The following SCGB2B2 variants were observed in gnomAD, a reference collection of about 807,000 sequenced individuals.
The protein encoded by SCGB2B2 is secretoglobin-like protein.
Under a neutral mutation model 7.6 loss-of-function variants are expected in SCGB2B2, and 11 were observed. That is an observed-to-expected ratio of 1.45 (90% CI 0.91 to 2.40). The LOEUF (loss-of-function observed/expected upper bound fraction) is 2.40. Among genes scored for constraint, SCGB2B2 ranks in the 30% most tolerant of loss-of-function variants. The probability of loss-of-function intolerance (pLI) is 0.00; values close to 1 mark genes in which losing one functional copy is unlikely to be tolerated. For missense variants in SCGB2B2, 104 were observed against 115.4 expected (o/e 0.90, Z 0.45); for synonymous variants, 50 against 48.6 (o/e 1.03, Z -0.12).
intron 1 of SCGB2B2, among the ~76,000 whole-genome samples, chr19:34,643,284 G>A (rs1405563369): frequency 1.3e-5 from 2 of 152,178 alleles, no homozygotes; most frequent in Admixed American, 1.3e-4. Context: ...GAATGGAACT[G>A]GAGAAAATTA....
chr19:34,605,201 T>G (rs930236020), intron 1 of SCGB2B2, among the ~76,000 whole-genome samples: 1 of 152,244 alleles, frequency 6.6e-6, no homozygotes, highest in African/African-American at 2.4e-5. Context: ...CTTGTGTGTA[T>G]CAATACTTCA....
downstream of SCGB2B2, among the ~76,000 whole-genome samples, chr19:34,589,008 C>A (rs1422508996): frequency 1.3e-5 from 2 of 152,014 alleles, no homozygotes; most frequent in African/African-American, 4.8e-5. Flanking sequence ...CTGGGTCCTG[C>A]CTATTGTGTG....
downstream of SCGB2B2, among the ~76,000 whole-genome samples, chr19:34,589,904 C>G (rs2065259919): frequency 1.3e-5 from 2 of 152,140 alleles, no homozygotes; most frequent in South Asian, 4.1e-4. Flanking sequence ...GAAGGTCACT[C>G]TGGCAGCTGT....
chr19:34,616,177 A>G (rs1270274), intron 1 of SCGB2B2, among the ~76,000 whole-genome samples: 127,647 of 147,492 alleles, frequency 0.87, 55,955 homozygotes, highest in African/African-American at 0.93. Context: ...ATAGCAGCAT[A>G]ATTTATAGTC....
intron 1 of SCGB2B2, among the ~76,000 whole-genome samples, chr19:34,619,645 C>G (rs1462462020): frequency 6.6e-6 from 1 of 152,064 alleles, no homozygotes; most frequent in Non-Finnish European, 1.5e-5. Flanking sequence ...CAATAAATGG[C>G]AAAAAGTCAA....
At chr19:34,656,070 A>G (rs1296947834) in intron 1 of SCGB2B2, among the ~76,000 whole-genome samples, 1 of 151,164 alleles carries the variant, frequency 6.6e-6, no homozygotes, top group Admixed American at 6.6e-5. Context: ...CCAAAATCCA[A>G]CCACTCAAGG....
chr19:34,652,411 C>A (rs1440355173), intron 1 of SCGB2B2, among the ~76,000 whole-genome samples: 1 of 151,108 alleles, frequency 6.6e-6, no homozygotes, highest in Non-Finnish European at 1.5e-5. Flanking sequence ...GGATTAAGAT[C>A]CAGAATACAC....
At chr19:34,636,805 A>G (rs948797900) in intron 1 of SCGB2B2, among the ~76,000 whole-genome samples, 1 of 152,142 alleles carries the variant, frequency 6.6e-6, no homozygotes, top group Non-Finnish European at 1.5e-5. Context: ...CCTGACGTTA[A>G]GCCATCCCTC....
chr19:34,594,426 A>C, intron 2 of SCGB2B2, 67 bp from the exon 3 acceptor site: 1 of 1,591,336 alleles, frequency 6.3e-7, no homozygotes, highest in Non-Finnish European at 8.6e-7. Flanking sequence ...CCCATGGCCA[A>C]TGAGACCTTG....
intron 1 of SCGB2B2, among the ~76,000 whole-genome samples, chr19:34,635,884 G>A (rs925165999): frequency 7.9e-5 from 12 of 152,348 alleles, no homozygotes; most frequent in Non-Finnish European, 1.5e-4. Context: ...TCTCTCCACT[G>A]TGCTGCCTCT....
At chr19:34,629,012 C>T (rs973905920) in intron 1 of SCGB2B2, among the ~76,000 whole-genome samples, 9 of 151,888 alleles carry the variant, frequency 5.9e-5, no homozygotes, top group Non-Finnish European at 1.3e-4. Context: ...GAACCAAAGA[C>T]AAAAACCACA....
At chr19:34,607,222 T>C (rs2065805930) in intron 1 of SCGB2B2, among the ~76,000 whole-genome samples, 1 of 152,248 alleles carries the variant, frequency 6.6e-6, no homozygotes, top group Non-Finnish European at 1.5e-5. Context: ...GAGCAGGATT[T>C]CTCTCTTTTT....
intron 1 of SCGB2B2, among the ~76,000 whole-genome samples, chr19:34,613,102 CTTTTTTTT>C (rs35050277): frequency 7.0e-6 from 1 of 142,006 alleles, no homozygotes; most frequent in African/African-American, 2.6e-5. Context: ...ATTTTCTTTT[CTTTTTTTT>C]TTTTTTGAGA....
At position 34,662,935 on chromosome 19, in the gene SCGB2B2, AAAACAAAC is replaced by A. The variant is rs377124471; in HGVS notation, c.-2032+12687_-2032+12694del. ...GGCTGAGAGAGACCCTGTCTCCAAAAAAACAAACAAACAAACAAACAAACAAAAAAAAA... is the reference window on the plus strand; with the variant it reads ...GGCTGAGAGAGACCCTGTCTCCAAAAAAACAAACAAACAAACAAAAAAAAA... On this transcript the variant is annotated intron_variant, in intron 1 of 3. Transcript: ENST00000601241. Among the ~76,000 whole-genome samples the A allele has an allele frequency of 2.3e-3, 346 of 151,836 alleles. 2 individuals carry two copies. The highest frequency in any genetic ancestry group is 7.4e-3 in the African/African-American group (306 of 41,210).
intron 1 of SCGB2B2, among the ~76,000 whole-genome samples, chr19:34,614,086 G>C (rs1345767137): frequency 6.6e-6 from 1 of 150,770 alleles, no homozygotes; most frequent in Non-Finnish European, 1.5e-5. Flanking sequence ...TGACTGTAAT[G>C]TGCCACTGGG....
rs566521870 is a variant in SCGB2B2 at position 34,593,597 on chromosome 19, C to T, written c.249G>A (p.Lys83=). 1.3e-6 allele frequency: 2 copies of T among 1,552,612 alleles called. No homozygotes were observed. Among genetic ancestry groups the T allele is most frequent in the African/African-American group, 2.7e-5 (2 of 73,224 alleles). ...TGCAATCGTTGCTCTGAAGGATCTT[C>T]TTCTGTTGGAAAAAGAAGAAAGAGA... ...TERFAHSVVI[K]KILQSNDCIE... is the part of the protein sequence containing the mutation. The change falls in exon 4 of 4, where the codon AAG becomes AAA. Residue 83 remains lysine (K), a splice_region_variant and synonymous_variant. Coordinates refer to ENST00000601241, the MANE Select transcript of SCGB2B2 (RefSeq NM_001025591.4).
chr19:34,624,644 G>A (rs114634490), intron 1 of SCGB2B2, among the ~76,000 whole-genome samples: 2,116 of 152,256 alleles, frequency 0.014, 35 homozygotes, highest in African/African-American at 0.048. Context: ...GTGGGCTGTT[G>A]GGGACTGGAG....
At chr19:34,613,757 T>C (rs1338622595) in intron 1 of SCGB2B2, among the ~76,000 whole-genome samples, 2 of 152,226 alleles carry the variant, frequency 1.3e-5, no homozygotes, top group African/African-American at 4.8e-5. Context: ...TAGTGATTAT[T>C]ATCTTTTTGC....
In SCGB2B2 at chr19:34,594,652, CGTGTGTGTGTGTGT is replaced by C. The variant is rs3055684; in HGVS notation, c.-103_-90del. 0.027 allele frequency: 17,672 copies of C among 657,286 alleles called. 246 individuals are homozygous for C. Among genetic ancestry groups the C allele is most frequent in the African/African-American group, 0.094 (4,910 of 52,462 alleles). 40.7% of individuals were successfully genotyped at this position (657,286 alleles called of 1,614,324 possible). On this transcript the variant is annotated 5_prime_UTR_variant, in exon 2 of 4. The change abolishes the stop of an existing upstream ORF in the 5' untranslated region. Transcript: ENST00000601241. Reference sequence around the variant, plus strand: ...TATCTGAACAAGGCACATGCCTCTTCGTGTGTGTGTGTGTGTGTGTGTGTGTGTGTGTGTGTGTG... The same window carrying C: ...TATCTGAACAAGGCACATGCCTCTTCGTGTGTGTGTGTGTGTGTGTGTGTG...
Sources: allele counts gnomAD v4.1 joint callset (sites outside exome capture counted in the v4.1 genomes callset), GRCh38; gene constraint gnomAD v4.1.1; transcripts MANE v1.5; gene names NCBI Gene and HGNC (gene_info 2026-07-23, HGNC 2026-07-21).